The following PCP4 variants were observed in gnomAD, a reference collection of about 807,000 sequenced individuals.
PCP4 encodes Purkinje cell protein 4.
Under a neutral mutation model 10.0 loss-of-function variants are expected in PCP4, and 8 were observed. The ratio of observed to expected loss-of-function variants is 0.80; its 90% CI spans 0.47 to 1.45. The LOEUF is 1.45. Ranked by LOEUF, PCP4 falls within the 40% of genes most tolerant of loss-of-function variation. The pLI is 0.00. For synonymous variants in PCP4, 21 were observed against 23.0 expected (o/e 0.91, Z 0.24); for missense variants, 54 against 74.4 (o/e 0.73, Z 1.01).
At chr21:39,913,507 T>C (rs1446090141) in intron 2 of PCP4, among the ~76,000 whole-genome samples, 2 of 152,242 alleles carry the variant, frequency 1.3e-5, no homozygotes, top group Admixed American at 1.3e-4. Flanking sequence ...ATGTTCAGCA[T>C]GTTTGAAGGG....
chr21:39,887,652 G>C (rs551141811), intron 1 of PCP4, among the ~76,000 whole-genome samples: 1 of 152,270 alleles, frequency 6.6e-6, no homozygotes, highest in South Asian at 2.1e-4. Flanking sequence ...GCCTCAAGCA[G>C]TCTTCAGCTA....
chr21:39,911,007 G>A (rs760514790), intron 2 of PCP4, among the ~76,000 whole-genome samples: 11 of 151,342 alleles, frequency 7.3e-5, no homozygotes, highest in African/African-American at 2.2e-4. Context: ...GGCGCTTGTC[G>A]AATTCTGACT....
chr21:39,868,237 A>C (rs1322811956), intron 1 of PCP4, among the ~76,000 whole-genome samples: 4 of 152,220 alleles, frequency 2.6e-5, no homozygotes, highest in Non-Finnish European at 5.9e-5. Flanking sequence ...CGGTGGTACA[A>C]CACCATTCTC....
chr21:39,905,249 A>G (rs2087501078), intron 2 of PCP4, among the ~76,000 whole-genome samples: 1 of 143,208 alleles, frequency 7.0e-6, no homozygotes, highest in Non-Finnish European at 1.5e-5. Context: ...ATTTGAAGAA[A>G]TCAGAAAAAA....
chr21:39,905,029 A>G (rs938811968), intron 2 of PCP4, among the ~76,000 whole-genome samples: 2 of 152,204 alleles, frequency 1.3e-5, no homozygotes, highest in East Asian at 1.9e-4. Context: ...GGTGTGCAAC[A>G]TATCCCAGGC....
intron 1 of PCP4, among the ~76,000 whole-genome samples, chr21:39,880,938 G>A (rs1268097279): frequency 6.6e-6 from 1 of 152,120 alleles, no homozygotes; most frequent in Non-Finnish European, 1.5e-5. Context: ...AACAAAATAT[G>A]GAACAAATAT....
chr21:39,878,661 T>A (rs2146326868), intron 1 of PCP4, among the ~76,000 whole-genome samples: 1 of 152,356 alleles, frequency 6.6e-6, no homozygotes, highest in South Asian at 2.1e-4. Context: ...GATCCAATTG[T>A]GAGAACTGTG....
intron 1 of PCP4, among the ~76,000 whole-genome samples, chr21:39,871,683 T>A (rs1378059258): frequency 6.8e-6 from 1 of 147,590 alleles, no homozygotes; most frequent in Non-Finnish European, 1.5e-5. Context: ...CTTTTCCTAA[T>A]AGAGAAGAGG....
intron 1 of PCP4, among the ~76,000 whole-genome samples, chr21:39,877,502 C>G (rs2087351812): frequency 6.7e-6 from 1 of 150,052 alleles, no homozygotes; most frequent in South Asian, 2.1e-4. Flanking sequence ...GCCTGGGCAA[C>G]ATGGCGAAAC....
At chr21:39,903,280 GA>G (rs2087489547) in intron 2 of PCP4, among the ~76,000 whole-genome samples, 1 of 152,296 alleles carries the variant, frequency 6.6e-6, no homozygotes, top group East Asian at 1.9e-4. Context: ...TTGACTTAGC[GA>G]GCTGTGATGC....
At chr21:39,907,075 G>A (rs1252847788) in intron 2 of PCP4, among the ~76,000 whole-genome samples, 1 of 152,136 alleles carries the variant, frequency 6.6e-6, no homozygotes, top group Non-Finnish European at 1.5e-5. Flanking sequence ...GTTTAAATTT[G>A]TAGGTTTCAT....
intron 1 of PCP4, among the ~76,000 whole-genome samples, chr21:39,884,800 A>AGAG (rs2087392043): frequency 9.3e-4 from 139 of 149,114 alleles, no homozygotes; most frequent in African/African-American, 3.3e-3. Flanking sequence ...CCGTCTTAAA[A>AGAG]AGAGAGAGAG....
chr21:39,908,529 G>A (rs2087523916), intron 2 of PCP4, among the ~76,000 whole-genome samples: 1 of 152,156 alleles, frequency 6.6e-6, no homozygotes, highest in Non-Finnish European at 1.5e-5. Flanking sequence ...GTCAGACCAG[G>A]AGGGAGGAGG....
At chr21:39,898,575 G>A in intron 2 of PCP4, 48 bp downstream of exon 2, 1 of 1,431,932 alleles carries the variant, frequency 7.0e-7, no homozygotes, top group Non-Finnish European at 9.9e-7. Flanking sequence ...GCCATCTGCA[G>A]CCCTGGGTAT....
At chr21:39,875,666 T>C (rs917697050) in intron 1 of PCP4, among the ~76,000 whole-genome samples, 2 of 152,206 alleles carry the variant, frequency 1.3e-5, no homozygotes, top group African/African-American at 4.8e-5. Context: ...AACTATCTTT[T>C]CAATCTTCCT....
chr21:39,880,986 T>C lies in PCP4; in HGVS notation c.9+13476T>C, dbSNP rs552959836. ...AGGCACAGCTGTTAGATGAGTTGGTTGTTCGTATTGGTGGTCGTGTGTGCA... is the reference window on the plus strand; with the variant it reads ...AGGCACAGCTGTTAGATGAGTTGGTCGTTCGTATTGGTGGTCGTGTGTGCA... On this transcript the variant is annotated intron_variant, in intron 1 of 2. Coordinates refer to ENST00000328619, the MANE Select transcript of PCP4 (RefSeq NM_006198.3). 2.0e-5 allele frequency among the ~76,000 whole-genome samples: 3 copies of C among 152,316 alleles called. No homozygotes were observed. The East Asian group carries it at 5.8e-4, about 29-fold the overall frequency.
In PCP4 at chr21:39,906,212, C is replaced by T. The variant is rs948395225; in HGVS notation, c.61+7685C>T. 2.0e-5 allele frequency among the ~76,000 whole-genome samples: 3 copies of T among 152,182 alleles called. No individual in the cohort carries two copies. Among genetic ancestry groups the T allele is most frequent in the Non-Finnish European group, 4.4e-5 (3 of 68,032 alleles). ...CATCTGACCCACAGTCCAAACACAC[C>T]AGGTTGTCTCTATTTACACTTTCTC... On this transcript the variant is annotated intron_variant, in intron 2 of 2. Coordinates refer to ENST00000328619, the MANE Select transcript of PCP4 (RefSeq NM_006198.3). This position sits in a 1 kb window ranked among gnomAD's most constrained non-coding sequence, Gnocchi z 6.3.
Position 39,871,879 on chromosome 21 carries a change from A to C in PCP4, c.9+4369A>C, listed in dbSNP as rs142642464. Among the ~76,000 whole-genome samples, 14 of 152,346 alleles carry C rather than the reference A, an allele frequency of 9.2e-5. No homozygotes were observed. In the East Asian group the frequency reaches 2.7e-3, roughly 29 times the overall value. ...ATATTTTTTTTTCAAAAAGAAAATA[A>C]ATGACTCATTATTGATTTTATTAAA... On this transcript the variant is annotated intron_variant, in intron 1 of 2. Coordinates refer to ENST00000328619, the MANE Select transcript of PCP4 (RefSeq NM_006198.3).
intron 2 of PCP4, among the ~76,000 whole-genome samples, chr21:39,910,495 A>T (rs183527805): frequency 1.0e-3 from 159 of 152,282 alleles, no homozygotes; most frequent in Admixed American, 2.5e-3. Flanking sequence ...AAGTGTTTTT[A>T]TAGTGAGCTT....
Sources: allele counts gnomAD v4.1 joint callset (sites outside exome capture counted in the v4.1 genomes callset), GRCh38; gene constraint gnomAD v4.1.1; non-coding constraint Gnocchi (gnomAD v3.1); transcripts MANE v1.5; gene names NCBI Gene and HGNC (gene_info 2026-07-23, HGNC 2026-07-21).